PCDH15: variants seen among roughly 807,000 people sequenced by gnomAD.
The protein encoded by PCDH15 is protocadherin related 15.
PCDH15 carries 129 observed loss-of-function variants against 178.5 expected under a neutral mutation model. The observed-to-expected ratio is 0.72, with a 90% CI of 0.63 to 0.84. The LOEUF (loss-of-function observed/expected upper bound fraction) is 0.84. PCDH15 is among the 40% of genes least tolerant of loss of function. The pLI, the probability that PCDH15 is intolerant of heterozygous loss-of-function variation, is 0.00. For synonymous variants in PCDH15, 800 were observed against 732.0 expected, an observed-to-expected ratio of 1.09 and a Z score of -1.50; for missense variants, 2,230 against 2,099.9, an observed-to-expected ratio of 1.06 and a Z score of -1.21.
intron 2 of PCDH15, among the ~76,000 whole-genome samples, chr10:55,147,215 T>A (rs1838542399): frequency 6.6e-6 from 1 of 151,516 alleles, no homozygotes; most frequent in African/African-American, 2.4e-5. Flanking sequence ...AATTGTACTT[T>A]CTGGATTTGC....
chr10:54,266,303 C>T (rs1047632299), intron 8 of PCDH15, among the ~76,000 whole-genome samples: 7 of 151,470 alleles, frequency 4.6e-5, no homozygotes, highest in South Asian at 2.1e-4. Flanking sequence ...TGGGATGCAA[C>T]GATAGCAGTT....
chr10:54,003,793 A>C (rs994992787), intron 20 of PCDH15, among the ~76,000 whole-genome samples: 16 of 151,326 alleles, frequency 1.1e-4, no homozygotes, highest in African/African-American at 3.1e-4. Context: ...AACTCATTCT[A>C]TAAAGACAAT....
intron 3 of PCDH15, among the ~76,000 whole-genome samples, chr10:54,465,755 T>C (rs1589558286): frequency 6.6e-6 from 1 of 151,964 alleles, no homozygotes; most frequent in Non-Finnish European, 1.5e-5. Context: ...TGAATAGATA[T>C]CTGTTAATGG....
At chr10:54,215,497 A>C (rs2051917753) in intron 9 of PCDH15, among the ~76,000 whole-genome samples, 2 of 152,196 alleles carry the variant, frequency 1.3e-5, no homozygotes, top group African/African-American at 4.8e-5. Context: ...TACATTCTTC[A>C]TGGAATATAC....
At chr10:54,594,263 C>T (rs1256762359) in intron 2 of PCDH15, among the ~76,000 whole-genome samples, 44 of 152,134 alleles carry the variant, frequency 2.9e-4, no homozygotes, top group Admixed American at 2.9e-3. Context: ...GGGTTTGGTG[C>T]AGGAGCATCT....
chr10:54,824,967 C>G (rs898399739), intron 3 of PCDH15, among the ~76,000 whole-genome samples: 2 of 152,040 alleles, frequency 1.3e-5, no homozygotes, highest in African/African-American at 4.8e-5. Flanking sequence ...TGGTGTGCTG[C>G]ACCCATTAAC....
intron 25 of PCDH15, among the ~76,000 whole-genome samples, chr10:53,933,687 C>A (rs1249888748): frequency 2.0e-5 from 3 of 152,126 alleles, no homozygotes; most frequent in Non-Finnish European, 2.9e-5. Flanking sequence ...GGGTATATAC[C>A]CAGTAATGGG....
chr10:54,130,203 GGGT>G (rs1359147782), intron 15 of PCDH15, among the ~76,000 whole-genome samples: 2 of 152,082 alleles, frequency 1.3e-5, no homozygotes, highest in Non-Finnish European at 2.9e-5. Flanking sequence ...GCTCTATATT[GGGT>G]GGTGTGCTGA....
At chr10:54,691,399 T>G (rs1301182205) in intron 1 of PCDH15, among the ~76,000 whole-genome samples, 1 of 152,098 alleles carries the variant, frequency 6.6e-6, no homozygotes. Context: ...CCACCTCAGC[T>G]AGGAACCCAT....
In PCDH15 at chr10:54,231,366, C is replaced by T. The variant is rs923500455; in HGVS notation, c.985+5457G>A. Among the ~76,000 whole-genome samples the T allele has an allele frequency of 2.0e-5, 3 of 152,332 alleles. No homozygotes were observed. In the South Asian group the frequency reaches 6.2e-4, roughly 32 times the overall value. ...GACACACAGAGGGCAATGGTTGAGGCTTGGAAGCCTCCACTTACATTTCAA... is the reference window on the plus strand; with the variant it reads ...GACACACAGAGGGCAATGGTTGAGGTTTGGAAGCCTCCACTTACATTTCAA... On this transcript the variant is annotated intron_variant, in intron 9 of 37. Coordinates refer to ENST00000644397, the MANE Select transcript of PCDH15 (RefSeq NM_001384140.1).
intron 23 of PCDH15, among the ~76,000 whole-genome samples, chr10:53,949,499 T>C (rs1363574430): frequency 1.3e-5 from 2 of 152,162 alleles, no homozygotes; most frequent in Non-Finnish European, 2.9e-5. Flanking sequence ...TTTCTCAAAA[T>C]CTGTAAGTCC....
rs538159724 is a variant in PCDH15, at chr10:54,519,156, C to T, written c.157+8656G>A. 8.9e-4 allele frequency among the ~76,000 whole-genome samples: 136 copies of T among 152,240 alleles called. 1 individual carries two copies. The highest frequency in any genetic ancestry group is 4.1e-3 in the South Asian group (20 of 4,830). On this transcript the variant is annotated intron_variant, in intron 3 of 37. Transcript: ENST00000644397. The stretch of plus-strand genomic sequence containing the variant: ...ATTCCCTTTGAAAACTGGCACAAGA[C>T]AGGGATGCCCTCTCTCACCACTCCT...
chr10:54,781,451 C>A (rs976918191), intron 1 of PCDH15, among the ~76,000 whole-genome samples: 1 of 151,956 alleles, frequency 6.6e-6, no homozygotes, highest in African/African-American at 2.4e-5. Flanking sequence ...ATATACTGAC[C>A]CTTTTTATAT....
chr10:54,986,475 T>C (rs1839367420), intron 2 of PCDH15, among the ~76,000 whole-genome samples: 3 of 152,194 alleles, frequency 2.0e-5, no homozygotes, highest in Admixed American at 2.0e-4. Flanking sequence ...CTCTGAAAAT[T>C]CAAAATAAAT....
chr10:54,047,185 T>A (rs2093672760), intron 18 of PCDH15, among the ~76,000 whole-genome samples: 1 of 152,150 alleles, frequency 6.6e-6, no homozygotes, highest in South Asian at 2.1e-4. Flanking sequence ...AAACACAATT[T>A]CAAATACATG....
At position 54,236,968 on chromosome 10, in the gene PCDH15, T is replaced by C. The variant is rs762435701; in HGVS notation, c.877-37A>G. 4.6e-5 allele frequency: 68 copies of C among 1,463,430 alleles called. 1 individual carries two copies. In the Middle Eastern group the frequency reaches 6.9e-4, roughly 15 times the overall value. 90.7% of individuals were successfully genotyped at this position (1,463,430 alleles called of 1,614,324 possible). On this transcript the variant is annotated intron_variant, in intron 8 of 37. Transcript: ENST00000644397. ...ATTAAGAGAGTTTCATTCAGCCGCATTACTAATACTTCATGAAGGATTGAG... is the reference window on the plus strand; with the variant it reads ...ATTAAGAGAGTTTCATTCAGCCGCACTACTAATACTTCATGAAGGATTGAG...
At chr10:55,332,904 G>A (rs34571168) in intron 2 of PCDH15, among the ~76,000 whole-genome samples, 33,446 of 151,994 alleles carry the variant, frequency 0.22, 4,344 homozygotes, top group African/African-American at 0.36. Flanking sequence ...TGAGTCAGGT[G>A]TGTCTTTATC....
At chr10:54,658,580 C>G (rs1036862305) in intron 2 of PCDH15, among the ~76,000 whole-genome samples, 31 of 152,210 alleles carry the variant, frequency 2.0e-4, no homozygotes, top group African/African-American at 7.5e-4. Flanking sequence ...CATTCCCAGA[C>G]AAGCAAGTGG....
chr10:54,082,035 CTT>C (rs905337113), intron 16 of PCDH15, among the ~76,000 whole-genome samples: 3 of 152,262 alleles, frequency 2.0e-5, no homozygotes, highest in South Asian at 2.1e-4. Context: ...TTTGACTTGT[CTT>C]TATCCTACCA....
Sources: gnomAD v4.1 joint callset for allele counts (sites outside exome capture counted in the v4.1 genomes callset) on GRCh38, gnomAD v4.1.1 for gene constraint, MANE v1.5 for transcripts, NCBI Gene and HGNC (gene_info 2026-07-23, HGNC 2026-07-21) for gene names.